The following ANK2 variants were observed in gnomAD, a reference collection of about 807,000 sequenced individuals.
The protein encoded by ANK2 is ankyrin 2.
In ANK2, 83 loss-of-function variants were observed where a neutral mutation model predicts 360.5. The observed-to-expected ratio is 0.23, with a 90% CI of 0.19 to 0.28. The LOEUF is 0.28. Among genes scored for constraint, ANK2 ranks in the 10% least tolerant of loss-of-function variants. The pLI is 1.00. For missense variants in ANK2, 4,201 were observed against 4,795.7 expected (o/e 0.88, Z 3.66); for synonymous variants, 1,740 against 1,759.5 (o/e 0.99, Z 0.28).
chr4:113,033,698 C>A (rs2060937197), intron 2 of ANK2: 1 of 151,938 alleles, frequency 6.6e-6, no homozygotes. Context: ...TATGAAGAAT[C>A]CCATCCATGT....
intron 26 of ANK2, among the ~76,000 whole-genome samples, chr4:113,323,026 A>T (rs1433351479): frequency 6.6e-6 from 1 of 152,152 alleles, no homozygotes; most frequent in Non-Finnish European, 1.5e-5. Flanking sequence ...ATACTTTTGT[A>T]TGTCATTAGG....
chr4:112,779,708 G>C, the ANK2 span, among the ~76,000 whole-genome samples: 7 of 152,128 alleles, frequency 4.6e-5, no homozygotes, highest in Admixed American at 4.6e-4. Context: ...ATGTTTTATG[G>C]ACGCATTCAC....
intron 2 of ANK2, among the ~76,000 whole-genome samples, chr4:112,936,572 C>T (rs750600593): frequency 1.3e-5 from 2 of 152,068 alleles, no homozygotes; most frequent in African/African-American, 2.4e-5. Flanking sequence ...TCTCGAACTC[C>T]AGACCTCGTA....
At chr4:113,170,572 T>G (rs1327349146) in intron 1 of ANK2, among the ~76,000 whole-genome samples, 1 of 152,190 alleles carries the variant, frequency 6.6e-6, no homozygotes, top group Non-Finnish European at 1.5e-5. Flanking sequence ...AGGTTATTAT[T>G]GAAACGTAAG....
rs2049005904 is a variant in ANK2 at position 113,255,813 on chromosome 4, C to A, written c.1069C>A (p.Pro357Thr). The A allele has an allele frequency of 6.2e-7, 1 of 1,614,104 alleles. No homozygotes were observed. ...GAAGCACCTGTTACAGCACAAGGCA[C>A]CTGTTGATGATGTCACCCTAGACTA... Reference protein sequence around the residue: ...CVKHLLQHKAPVDDVTLDYLT... With the variant: ...CVKHLLQHKATVDDVTLDYLT... The change falls in exon 11 of 46, where the codon CCT becomes ACT. Residue 357 changes from proline (P) to threonine (T), a missense_variant. Pro to Thr is a conservative substitution (Grantham distance 38). Around this residue, in one of 4 missense-constraint regions of ANK2, gnomAD observed 1,268 missense variants for 1,650.8 expected, o/e 0.77. Transcript: ENST00000357077.
chr4:113,252,914 C>T (rs1483244786), intron 10 of ANK2, among the ~76,000 whole-genome samples: 1 of 152,228 alleles, frequency 6.6e-6, no homozygotes, highest in Non-Finnish European at 1.5e-5. Flanking sequence ...TGCTGCCTGA[C>T]AATCTCGCTC....
chr4:113,223,471 G>A (rs1219654702), intron 4 of ANK2, among the ~76,000 whole-genome samples: 1 of 152,050 alleles, frequency 6.6e-6, no homozygotes, highest in Non-Finnish European at 1.5e-5. Context: ...TAAATATAGA[G>A]TATATAATAC....
the ANK2 span, among the ~76,000 whole-genome samples, chr4:112,776,393 T>C: frequency 6.6e-6 from 1 of 152,170 alleles, no homozygotes; most frequent in African/African-American, 2.4e-5. Flanking sequence ...GGACAATTCA[T>C]GGTGGAAAAG....
At chr4:113,211,297 G>A (rs921175041) in intron 4 of ANK2, among the ~76,000 whole-genome samples, 1 of 152,124 alleles carries the variant, frequency 6.6e-6, no homozygotes, top group Non-Finnish European at 1.5e-5. Context: ...TTGACAATTG[G>A]ACCAGGTGCA....
At chr4:113,029,480 C>T (rs566451373) in intron 2 of ANK2, among the ~76,000 whole-genome samples, 1 of 152,022 alleles carries the variant, frequency 6.6e-6, no homozygotes, top group Admixed American at 6.6e-5. Context: ...ATCCTCCCAC[C>T]TCACCCTCCC....
intron 1 of ANK2, among the ~76,000 whole-genome samples, chr4:112,837,872 G>C (rs954723115): frequency 1.3e-5 from 2 of 152,200 alleles, no homozygotes; most frequent in African/African-American, 4.8e-5. Flanking sequence ...CAGGCTCATA[G>C]GCAGAAGGGA....
chr4:113,016,401 A>C (rs2056631797), intron 2 of ANK2, among the ~76,000 whole-genome samples: 1 of 152,164 alleles, frequency 6.6e-6, no homozygotes, highest in African/African-American at 2.4e-5. Flanking sequence ...TATGTGCCAA[A>C]TACTGATGCA....
chr4:113,162,758 C>CAAAG (rs1259489161), intron 1 of ANK2, among the ~76,000 whole-genome samples: 2 of 137,602 alleles, frequency 1.5e-5, no homozygotes, highest in Admixed American at 1.5e-4. Flanking sequence ...TTTTAAACTT[C>CAAAG]AAAGATTATA....
chr4:113,037,835 AG>A (rs1342893486), intron 2 of ANK2, among the ~76,000 whole-genome samples: 1 of 152,066 alleles, frequency 6.6e-6, no homozygotes, highest in Non-Finnish European at 1.5e-5. Context: ...GGTTTTGTTA[AG>A]GTCCAGCACA....
chr4:113,197,720 A>G (rs1172395807), intron 3 of ANK2, among the ~76,000 whole-genome samples: 1 of 152,240 alleles, frequency 6.6e-6, no homozygotes, highest in African/African-American at 2.4e-5. Flanking sequence ...AAATTAAAAA[A>G]CAAAACAAAC....
chr4:112,933,500 A>C (rs990940648), intron 2 of ANK2, among the ~76,000 whole-genome samples: 2 of 148,810 alleles, frequency 1.3e-5, no homozygotes, highest in African/African-American at 2.5e-5. Context: ...AGACAGTCTA[A>C]TTCTTTTTTT....
At chr4:113,346,758 T>C (rs895631859) in intron 35 of ANK2, among the ~76,000 whole-genome samples, 2 of 152,164 alleles carry the variant, frequency 1.3e-5, no homozygotes, top group East Asian at 3.8e-4. Flanking sequence ...TTTAAAACAT[T>C]GTTGAAAAGG....
chr4:113,163,487 G>T (rs961651092), intron 1 of ANK2, among the ~76,000 whole-genome samples: 2 of 151,386 alleles, frequency 1.3e-5, no homozygotes, highest in Admixed American at 6.6e-5. Flanking sequence ...AGCTTTGGCC[G>T]GGCACGGTGG....
intron 37 of ANK2, among the ~76,000 whole-genome samples, chr4:113,351,063 G>T (rs1358826560): frequency 6.6e-6 from 1 of 151,906 alleles, no homozygotes; most frequent in African/African-American, 2.4e-5. Context: ...TTAGTTTGTT[G>T]GACTATTTCT....
Sources: allele counts gnomAD v4.1 joint callset (sites outside exome capture counted in the v4.1 genomes callset), GRCh38; gene constraint gnomAD v4.1.1; regional missense constraint gnomAD v4.1.1; transcripts MANE v1.5; gene names NCBI Gene and HGNC (gene_info 2026-07-23, HGNC 2026-07-21).